Variants in VPS35L observed in about 807,000 individuals in gnomAD.
VPS35L encodes VPS35 endosomal protein sorting factor like, also known as VPS35 endosomal protein-sorting factor-like.
VPS35L carries 83 observed loss-of-function variants against 133.0 expected under a neutral mutation model. The ratio of observed to expected loss-of-function variants is 0.62; its 90% CI spans 0.52 to 0.75. VPS35L has a LOEUF of 0.75. Ranked by LOEUF, VPS35L falls within the 30% of genes least tolerant of loss-of-function variation. VPS35L has a pLI of 0.00. For synonymous variants in VPS35L, 423 were observed against 449.9 expected (o/e 0.94, Z 0.76); for missense variants, 1,083 against 1,206.8 (o/e 0.90, Z 1.52).
chr16:19,590,054 G>T (rs1408913450), intron 7 of VPS35L, among the ~76,000 whole-genome samples: 1 of 151,806 alleles, frequency 6.6e-6, no homozygotes, highest in Non-Finnish European at 1.5e-5. Flanking sequence ...CGCAGAGCGA[G>T]GTGTCAGGAA....
At chr16:19,666,878 TTC>T (rs1382263838) in intron 26 of VPS35L, among the ~76,000 whole-genome samples, 4 of 91,006 alleles carry the variant, frequency 4.4e-5, no homozygotes, top group African/African-American at 1.8e-4. Context: ...ATGTTTTTCT[TTC>T]TTTCTTTCTT....
intron 26 of VPS35L, among the ~76,000 whole-genome samples, chr16:19,658,713 G>A (rs1185981893): frequency 1.3e-5 from 2 of 151,882 alleles, no homozygotes; most frequent in African/African-American, 2.4e-5. Context: ...TGGCATTGAA[G>A]AGCCTGGAAG....
intron 27 of VPS35L, among the ~76,000 whole-genome samples, chr16:19,676,855 C>A (rs978701402): frequency 1.3e-5 from 2 of 152,042 alleles, no homozygotes; most frequent in Non-Finnish European, 2.9e-5. Flanking sequence ...TTGCACAAAG[C>A]GCCATAAAGA....
intron 27 of VPS35L, among the ~76,000 whole-genome samples, chr16:19,669,647 A>T (rs528785507): frequency 6.7e-6 from 1 of 149,676 alleles, no homozygotes; most frequent in East Asian, 2.0e-4. Context: ...GTTGCAGACA[A>T]CCATCTTCTC....
At chr16:19,564,821 A>T in intron 1 of VPS35L, 30 bp from the exon 2 acceptor site, 1 of 1,518,876 alleles carries the variant, frequency 6.6e-7, no homozygotes, top group Non-Finnish European at 9.1e-7. Flanking sequence ...ACCCCCATCC[A>T]CTAATTGGCT....
intron 8 of VPS35L, 132 bp downstream of exon 8, chr16:19,592,006 C>G (rs891919973): frequency 4.5e-6 from 3 of 662,634 alleles, no homozygotes; most frequent in African/African-American, 3.7e-5. Flanking sequence ...GAGATCAAAC[C>G]GTTCCCCCCC....
intron 29 of VPS35L, 34 bp downstream of exon 29, chr16:19,691,505 T>G (rs1975685675): frequency 6.5e-7 from 1 of 1,546,746 alleles, no homozygotes; most frequent in African/African-American, 1.4e-5. Context: ...ACCCGCCCCT[T>G]GCTCTGAAAG....
At chr16:19,561,674 G>T (rs1402500150) in intron 1 of VPS35L, among the ~76,000 whole-genome samples, 2 of 152,306 alleles carry the variant, frequency 1.3e-5, no homozygotes, top group Admixed American at 1.3e-4. Flanking sequence ...GGAGGCCAGG[G>T]AAAGTCCCTG....
At chr16:19,678,356 G>A (rs566842297) in intron 27 of VPS35L, among the ~76,000 whole-genome samples, 1 of 151,828 alleles carries the variant, frequency 6.6e-6, no homozygotes, top group East Asian at 1.9e-4. Context: ...CCCTGCCAGG[G>A]ACACCTGGGG....
intron 2 of VPS35L, among the ~76,000 whole-genome samples, chr16:19,565,429 G>T (rs1367316118): frequency 6.6e-6 from 1 of 152,086 alleles, no homozygotes; most frequent in Non-Finnish European, 1.5e-5. Flanking sequence ...GGCAACCTCT[G>T]CCTCCCAGGT....
At chr16:19,634,969 T>C (rs1304966662) in intron 19 of VPS35L, among the ~76,000 whole-genome samples, 2 of 152,184 alleles carry the variant, frequency 1.3e-5, no homozygotes, top group African/African-American at 4.8e-5. Context: ...CAGCATCACC[T>C]GTATAGCATT....
intron 26 of VPS35L, among the ~76,000 whole-genome samples, chr16:19,659,262 A>G (rs1417174569): frequency 2.6e-5 from 4 of 152,208 alleles, no homozygotes; most frequent in Non-Finnish European, 5.9e-5. Context: ...GTCATCCTGT[A>G]GTATCTCCGA....
rs959903980 is a variant in VPS35L at position 19,594,503 on chromosome 16, G to C, written c.724+2629G>C. 1.6e-3 allele frequency among the ~76,000 whole-genome samples: 240 copies of C among 151,944 alleles called. 1 individual carries two copies. The highest frequency in any genetic ancestry group is 5.4e-3 in the African/African-American group (223 of 41,474). ...TACTAAAAATATAAAAATTAGCCAG[G>C]CTTGGTGGCAGGCACCTGTAATTCC... On this transcript the variant is annotated intron_variant, in intron 8 of 30. Transcript: ENST00000417362.
chr16:19,642,377 A>G lies in VPS35L; in HGVS notation c.1785-19A>G, dbSNP rs188228379. ...GTCAGTGGACAAAACTTTGACTTTTATCTTTAAATGTCTCCTAGGCATCAA... is the reference window on the plus strand; with the variant it reads ...GTCAGTGGACAAAACTTTGACTTTTGTCTTTAAATGTCTCCTAGGCATCAA... On this transcript the variant is annotated intron_variant, in intron 21 of 30. Transcript: ENST00000417362. 1.5e-4 allele frequency: 245 copies of G among 1,609,186 alleles called. No homozygotes were observed. Among genetic ancestry groups the G allele is most frequent in the Non-Finnish European group, 1.8e-4 (209 of 1,176,512 alleles).
chr16:19,647,958 A>G, intron 24 of VPS35L, 76 bp downstream of exon 24: 4 of 1,317,878 alleles, frequency 3.0e-6, no homozygotes, highest in South Asian at 1.2e-5. Context: ...ATTTATTTTG[A>G]TTTTATTTTA....
In VPS35L at chr16:19,591,738, A is replaced by T. The variant is rs375233963; in HGVS notation, c.640-52A>T. 321 of 1,353,746 alleles carry T rather than the reference A, an allele frequency of 2.4e-4. 1 individual carries two copies. Among genetic ancestry groups the T allele is most frequent in the Non-Finnish European group, 2.2e-4 (213 of 947,610 alleles). 83.9% of individuals were successfully genotyped at this position (1,353,746 alleles called of 1,614,324 possible). On this transcript the variant is annotated intron_variant, in intron 7 of 30. Transcript: ENST00000417362. ...TAATTTTTCAGATCTGGAGTGTCCT[A>T]CCCATACCAGACATGCCAGAGTGAA...
At position 19,664,052 on chromosome 16, in the gene VPS35L, A is replaced by G. The variant is rs1489395753; in HGVS notation, c.2222-5108A>G. On this transcript the variant is annotated intron_variant, in intron 26 of 30. Coordinates refer to ENST00000417362, the MANE Select transcript of VPS35L (RefSeq NM_020314.7). ...AGACCTTTTGAAACTACTCAGGTTG[A>G]GAACAGGAGAGCCTGAAACTTCAGA... 2.0e-5 allele frequency among the ~76,000 whole-genome samples: 3 copies of G among 152,136 alleles called. No homozygotes were observed. The South Asian group carries it at 6.2e-4, about 32-fold the overall frequency.
In VPS35L at chr16:19,567,636, T is replaced by C. The variant is rs76442482; in HGVS notation, c.118-1788T>C. Among the ~76,000 whole-genome samples the C allele has an allele frequency of 1.7e-4, 26 of 152,160 alleles. No individual in the cohort carries two copies. The East Asian group carries it at 2.9e-3, about 17-fold the overall frequency. ...CCATTCAGGCAGCCATCGCCGGCAG[T>C]TGGCATCTGACTCGACAGGTTTGAG... On this transcript the variant is annotated intron_variant, in intron 2 of 30. Coordinates refer to ENST00000417362, the MANE Select transcript of VPS35L (RefSeq NM_020314.7).
chr16:19,578,590 G>T (rs779927112), intron 5 of VPS35L: 5 of 337,966 alleles, frequency 1.5e-5, no homozygotes, highest in Non-Finnish European at 2.3e-5. Flanking sequence ...CTGTTTGCTC[G>T]AAGAGAGGGC....
Sources: gnomAD v4.1 joint callset for allele counts (sites outside exome capture counted in the v4.1 genomes callset) on GRCh38, gnomAD v4.1.1 for gene constraint, MANE v1.5 for transcripts, NCBI Gene and HGNC (gene_info 2026-07-23, HGNC 2026-07-21) for gene names.